Variants in NDST1 observed in about 807,000 individuals in gnomAD.
NDST1 encodes N-deacetylase and N-sulfotransferase 1, also known as bifunctional heparan sulfate N-deacetylase/N-sulfotransferase 1.
NDST1 carries 35 observed loss-of-function variants against 92.8 expected under a neutral mutation model. The observed-to-expected ratio is 0.38, with a 90% CI of 0.29 to 0.50. The LOEUF is 0.50. Among genes scored for constraint, NDST1 ranks in the 20% least tolerant of loss-of-function variants. The probability of loss-of-function intolerance (pLI) is 0.94; values close to 1 mark genes in which losing one functional copy is unlikely to be tolerated. For missense variants in NDST1, 822 were observed against 1,182.7 expected, an observed-to-expected ratio of 0.69 and a Z score of 4.47; for synonymous variants, 493 against 500.3, an observed-to-expected ratio of 0.99 and a Z score of 0.19.
chr5:150,548,880 C>T (rs1441021731), intron 12 of NDST1, among the ~76,000 whole-genome samples: 1 of 152,130 alleles, frequency 6.6e-6, no homozygotes, highest in South Asian at 2.1e-4. Flanking sequence ...TGAGAACTCC[C>T]CAAGCCTGTG....
At chr5:150,540,470 A>G (rs1008360560) in intron 8 of NDST1, among the ~76,000 whole-genome samples, 2 of 152,152 alleles carry the variant, frequency 1.3e-5, no homozygotes, top group East Asian at 3.9e-4. Flanking sequence ...ATACTTCCCC[A>G]CGCAGACCTA....
At chr5:150,548,457 C>T in intron 12 of NDST1, 69 bp downstream of exon 12, 1 of 1,550,252 alleles carries the variant, frequency 6.5e-7, no homozygotes, top group Non-Finnish European at 8.7e-7. Flanking sequence ...CGGAGAGCCT[C>T]CAACTCTTTC....
intron 5 of NDST1, chr5:150,535,243 C>A: frequency 1.1e-6 from 1 of 931,428 alleles, no homozygotes; most frequent in Non-Finnish European, 1.3e-6. Flanking sequence ...GGAGGTCACA[C>A]CAGCTACTAA....
At position 150,528,292 on chromosome 5, in the gene NDST1, C is replaced by T. The variant is rs147214079; in HGVS notation, c.1002C>T (p.Asp334=). The T allele has an allele frequency of 5.5e-5, 87 of 1,593,972 alleles. No individual in the cohort carries two copies. The Middle Eastern group carries it at 8.3e-4, about 15-fold the overall frequency. Residue 334 remains aspartate (D), a synonymous_variant, in exon 3 of 15, where the codon GAC becomes GAT. Transcript: ENST00000261797. ...AGGGCACACGCATGAAGGTGGAGGACGTGAAGGTATGGCCGGGGGTGCTAG... is the reference window on the plus strand; with the variant it reads ...AGGGCACACGCATGAAGGTGGAGGATGTGAAGGTATGGCCGGGGGTGCTAG... ...GKEGTRMKVE[D]VKALFDTQNE...
intron 8 of NDST1, 111 bp downstream of exon 8, chr5:150,540,375 C>A: frequency 5.1e-6 from 6 of 1,185,802 alleles, no homozygotes; most frequent in Non-Finnish European, 7.0e-6. Flanking sequence ...TTCACACTCT[C>A]GCTCGAATGT....
At chr5:150,533,333 A>G (rs766113766) in intron 4 of NDST1, among the ~76,000 whole-genome samples, 16 of 152,160 alleles carry the variant, frequency 1.1e-4, no homozygotes, top group Non-Finnish European at 2.2e-4. Flanking sequence ...ATCTTTTACA[A>G]TTATGTGTAT....
At position 150,535,754 on chromosome 5, in the gene NDST1, G is replaced by A. The variant is rs754419698; in HGVS notation, c.1306G>A (p.Val436Met). 20 of 1,614,226 alleles carry A rather than the reference G, an allele frequency of 1.2e-5. No individual in the cohort carries two copies. Among genetic ancestry groups the A allele is most frequent in the Admixed American group, 5.0e-5 (3 of 60,030 alleles). The change falls in exon 6 of 15, where the codon GTG becomes ATG. Residue 436 changes from valine to methionine, a missense_variant. By Grantham distance (21) the Val-to-Met change is conservative. Transcript: ENST00000261797. ...TGCAGTGGCGCCCCACCACTCGGGC[G>A]TGTACCCCGTGCACGTGCAGCTGTA... ...GYAVAPHHSG[V>M]YPVHVQLYEA...
rs998967681 is a variant in NDST1, at chr5:150,520,883, C to T, written c.-372C>T. The T allele has an allele frequency of 3.1e-5, 15 of 478,538 alleles. No homozygotes were observed. The highest frequency in any genetic ancestry group is 5.5e-5 in the Non-Finnish European group (15 of 273,204). 29.6% of individuals were successfully genotyped at this position (478,538 alleles called of 1,614,324 possible). A position where few individuals can be genotyped will look rare whatever the true frequency, so the allele number is the denominator to read the frequency against. On this transcript the variant is annotated 5_prime_UTR_variant, in exon 2 of 15. Transcript: ENST00000261797. The stretch of plus-strand genomic sequence containing the variant: ...CTCTCCACAGCCTTAGCCCCGTGGG[C>T]CCCACGGAGTGAGCGGCATGCAGCA...
rs1754222220 is a variant in NDST1, at chr5:150,521,039, A to G, written c.-216A>G. 1.7e-6 allele frequency: 1 copy of G among 599,010 alleles called. No homozygotes were observed. Among genetic ancestry groups the G allele is most frequent in the Admixed American group, 3.0e-5 (1 of 33,614 alleles). 37.1% of individuals were successfully genotyped at this position (599,010 alleles called of 1,614,324 possible). A position where few individuals can be genotyped will look rare whatever the true frequency, so the allele number is the denominator to read the frequency against. On this transcript the variant is annotated 5_prime_UTR_variant, in exon 2 of 15. Coordinates refer to ENST00000261797, the MANE Select transcript of NDST1 (RefSeq NM_001543.5). The surrounding 1 kb of genome is among the most constrained non-coding windows in gnomAD (Gnocchi z 5.9). ...ATGGTGACATAAAGGGGCGCGGAGG[A>G]AGGAAGGAGCGTGACCAGCCTGTGG...
intron 3 of NDST1, among the ~76,000 whole-genome samples, chr5:150,532,410 G>A (rs1049517632): frequency 6.6e-6 from 1 of 152,234 alleles, no homozygotes; most frequent in East Asian, 1.9e-4. Context: ...GAGGCCTGGC[G>A]GACGGCAGCA....
chr5:150,537,753 C>T (rs143070284), intron 6 of NDST1, among the ~76,000 whole-genome samples: 3,226 of 152,312 alleles, frequency 0.021, 116 homozygotes, highest in African/African-American at 0.072. Context: ...CCTCCCCTTT[C>T]GAAAATCACT....
At chr5:150,520,145 C>T (rs1754177522) in intron 1 of NDST1, among the ~76,000 whole-genome samples, 2 of 152,144 alleles carry the variant, frequency 1.3e-5, no homozygotes, top group African/African-American at 4.8e-5. Flanking sequence ...TTTCTTGTGC[C>T]AAGCTCCTCA....
At chr5:150,514,454 G>A (rs1168884008) in intron 1 of NDST1, among the ~76,000 whole-genome samples, 3 of 151,758 alleles carry the variant, frequency 2.0e-5, no homozygotes, top group Non-Finnish European at 4.4e-5. Context: ...CCAGCTACTC[G>A]GGAGGCTGAG....
chr5:150,540,376 G>T (rs992640844), intron 8 of NDST1, 112 bp downstream of exon 8: 10 of 1,184,380 alleles, frequency 8.4e-6, no homozygotes, highest in South Asian at 1.6e-5. Context: ...TCACACTCTC[G>T]CTCGAATGTA....
At position 150,544,449 on chromosome 5, in the gene NDST1, C is replaced by G. The variant is rs570273659; in HGVS notation, c.1971-863C>G. The stretch of plus-strand genomic sequence containing the variant: ...GATGAGAGAAGACGTAATTCCTTGG[C>G]CCAATTCCCAAGAGCTTGATTTTGT... On this transcript the variant is annotated intron_variant, in intron 10 of 14. Coordinates refer to ENST00000261797, the MANE Select transcript of NDST1 (RefSeq NM_001543.5). Among the ~76,000 whole-genome samples the G allele has an allele frequency of 6.5e-3, 983 of 152,298 alleles. 14 individuals are homozygous for G. Among genetic ancestry groups the G allele is most frequent in the African/African-American group, 0.022 (912 of 41,536 alleles).
Position 150,521,341 on chromosome 5 carries a change from C to G in NDST1, c.87C>G (p.Phe29Leu), listed in dbSNP as rs747928567. The G allele has an allele frequency of 1.2e-6, 2 of 1,613,538 alleles. No homozygotes were observed. The highest frequency in any genetic ancestry group is 1.7e-6 in the Non-Finnish European group (2 of 1,179,914). The change falls in exon 2 of 15, where the codon TTC becomes TTG. Residue 29 changes from phenylalanine (F) to leucine (L), a missense_variant. Transcript: ENST00000261797. This position sits in a 1 kb window ranked among gnomAD's most constrained non-coding sequence, Gnocchi z 5.9. ...VLFLLFIFCL[F>L]SVFISAYYLY... is the part of the protein sequence containing the mutation. Reference sequence around the variant, plus strand: ...TCCTGCTGTTCATCTTCTGCCTGTTCAGCGTTTTCATCTCGGCCTACTACC... The same window carrying G: ...TCCTGCTGTTCATCTTCTGCCTGTTGAGCGTTTTCATCTCGGCCTACTACC...
chr5:150,511,445 A>G (rs1180519340), intron 1 of NDST1, among the ~76,000 whole-genome samples: 1 of 152,066 alleles, frequency 6.6e-6, no homozygotes, highest in African/African-American at 2.4e-5. Flanking sequence ...AGGCTTGTTC[A>G]CCTCCCTGCT....
chr5:150,548,303 T>C lies in NDST1; in HGVS notation c.2231T>C (p.Leu744Pro), dbSNP rs751428346. 6.2e-7 allele frequency: 1 copy of C among 1,614,132 alleles called. No homozygotes were observed. Among genetic ancestry groups the C allele is most frequent in the Non-Finnish European group, 8.5e-7 (1 of 1,180,032 alleles). The stretch of plus-strand genomic sequence containing the variant: ...GCCGGCTCTGACGCATCCTCGAAGC[T>C]GCGTGCCCTCCAGAACCGCTGCCTG... ...ITAGSDASSK[L>P]RALQNRCLVP... The change falls in exon 12 of 15, where the codon CTG (leucine) becomes CCG (proline). Residue 744 changes from leucine to proline, a missense_variant. Physicochemically the swap from Leu to Pro is moderately conservative, Grantham distance 98. Coordinates refer to ENST00000261797, the MANE Select transcript of NDST1 (RefSeq NM_001543.5).
At chr5:150,552,794 G>A (rs931373840) in intron 14 of NDST1, among the ~76,000 whole-genome samples, 8 of 152,180 alleles carry the variant, frequency 5.3e-5, no homozygotes, top group African/African-American at 1.9e-4. Context: ...AGGAGATTGT[G>A]GATAAATAAG....
Sources: gnomAD v4.1 joint callset for allele counts (sites outside exome capture counted in the v4.1 genomes callset) on GRCh38, gnomAD v4.1.1 for gene constraint, Gnocchi (gnomAD v3.1) non-coding constraint, MANE v1.5 for transcripts, NCBI Gene and HGNC (gene_info 2026-07-23, HGNC 2026-07-21) for gene names.